Variants in ADGRG6 observed in about 807,000 individuals in gnomAD.
ADGRG6 encodes G-protein coupled receptor 126.
A neutral mutation model predicts 142.4 loss-of-function variants in ADGRG6; 84 were observed. The ratio of observed to expected loss-of-function variants is 0.59; its 90% CI spans 0.49 to 0.71. ADGRG6 has a LOEUF of 0.71. Ranked by LOEUF, ADGRG6 falls within the 30% of genes least tolerant of loss-of-function variation. ADGRG6 has a pLI of 0.00. For synonymous variants in ADGRG6, 521 were observed against 520.5 expected (o/e 1.00, Z -0.01); for missense variants, 1,367 against 1,466.6 (o/e 0.93, Z 1.11).
chr6:142,439,902 T>C (rs1777662944), intron 24 of ADGRG6, among the ~76,000 whole-genome samples: 1 of 152,242 alleles, frequency 6.6e-6, no homozygotes, highest in Non-Finnish European at 1.5e-5. Context: ...ATATTTTTGC[T>C]TATAATGAAT....
At chr6:142,352,794 T>C (rs557235160) in intron 2 of ADGRG6, among the ~76,000 whole-genome samples, 7 of 152,248 alleles carry the variant, frequency 4.6e-5, no homozygotes, top group Admixed American at 1.3e-4. Context: ...GTAATAGTTC[T>C]CCCCTTTTTT....
intron 21 of ADGRG6, among the ~76,000 whole-genome samples, chr6:142,419,325 G>A (rs1342244393): frequency 6.6e-6 from 1 of 152,130 alleles, no homozygotes; most frequent in Non-Finnish European, 1.5e-5. Flanking sequence ...GTTTGAAGCA[G>A]GAAGAAGGAA....
chr6:142,314,969 G>GGAGTGT (rs1554229836), intron 2 of ADGRG6, among the ~76,000 whole-genome samples: 1 of 92,704 alleles, frequency 1.1e-5, no homozygotes, highest in African/African-American at 4.9e-5. Context: ...GTCCAATCAT[G>GGAGTGT]GAGTGTGTGT....
At chr6:142,434,418 G>T (rs968706594) in intron 22 of ADGRG6, among the ~76,000 whole-genome samples, 1 of 151,756 alleles carries the variant, frequency 6.6e-6, no homozygotes, top group East Asian at 1.9e-4. Flanking sequence ...TCCGCCTCCC[G>T]AGTTCAAGCA....
chr6:142,331,544 T>C (rs1779065010), intron 2 of ADGRG6, among the ~76,000 whole-genome samples: 1 of 152,182 alleles, frequency 6.6e-6, no homozygotes, highest in Non-Finnish European at 1.5e-5. Flanking sequence ...AAAAAACTTT[T>C]TAGAAATATT....
chr6:142,320,405 A>G (rs1293166033), intron 2 of ADGRG6, among the ~76,000 whole-genome samples: 1 of 152,100 alleles, frequency 6.6e-6, no homozygotes, highest in Admixed American at 6.6e-5. Context: ...AACTAAACTA[A>G]TAATGGGAGT....
intron 2 of ADGRG6, among the ~76,000 whole-genome samples, chr6:142,323,458 A>G (rs1219956084): frequency 6.6e-6 from 1 of 152,106 alleles, no homozygotes; most frequent in Non-Finnish European, 1.5e-5. Context: ...ATTTTGCTAT[A>G]CAGGACCTGT....
intron 7 of ADGRG6, among the ~76,000 whole-genome samples, chr6:142,392,689 T>G (rs1774957810): frequency 6.6e-6 from 1 of 152,036 alleles, no homozygotes. Flanking sequence ...TTTCTTTATA[T>G]ATAAGACTAT....
Position 142,370,174 on chromosome 6 carries a change from C to G in ADGRG6, c.450C>G (p.Ala150=). The part of the protein sequence containing the change: ...KGFNASYIRV[A]VSLRNQKVIL... ...TCTTGTTATGTTTTGTCCTAGTTGC[C>G]GTGTCCTTAAGGAATCAAAAGGTCA... The change falls in exon 4 of 25, where the codon GCC becomes GCG. Residue 150 remains alanine, a synonymous_variant. Coordinates refer to ENST00000367609, the MANE Select transcript of ADGRG6 (RefSeq NM_198569.3). The G allele has an allele frequency of 6.3e-7, 1 of 1,592,442 alleles. No individual in the cohort carries two copies. Among genetic ancestry groups the G allele is most frequent in the Non-Finnish European group, 8.6e-7 (1 of 1,163,636 alleles).
At chr6:142,333,838 G>T (rs562525442) in intron 2 of ADGRG6, among the ~76,000 whole-genome samples, 6 of 152,204 alleles carry the variant, frequency 3.9e-5, no homozygotes, top group Non-Finnish European at 5.9e-5. Context: ...GAATCACAGA[G>T]AAGTTAATGG....
At chr6:142,430,279 A>G (rs963277043) in intron 22 of ADGRG6, among the ~76,000 whole-genome samples, 1 of 152,156 alleles carries the variant, frequency 6.6e-6, no homozygotes, top group South Asian at 2.1e-4. Flanking sequence ...ATTCTGCTGA[A>G]AGTGTCAGTG....
intron 18 of ADGRG6, 44 bp downstream of exon 18, chr6:142,411,455 T>C (rs768869524): frequency 1.1e-6 from 1 of 925,254 alleles, no homozygotes; most frequent in Non-Finnish European, 1.8e-6. Context: ...GCTGTAACTT[T>C]GGATGGCATA....
intron 4 of ADGRG6, 175 bp downstream of exon 4, chr6:142,370,968 C>A: frequency 1.5e-6 from 1 of 649,856 alleles, no homozygotes; most frequent in East Asian, 2.9e-5. Context: ...ATGTCGTCTG[C>A]TCAGCTCTTA....
intron 18 of ADGRG6, among the ~76,000 whole-genome samples, chr6:142,414,438 C>T (rs750063213): frequency 1.3e-5 from 2 of 152,154 alleles, no homozygotes; most frequent in Non-Finnish European, 2.9e-5. Flanking sequence ...ACATACCAAG[C>T]ATTGAAATAA....
In ADGRG6 at chr6:142,402,748, A is replaced by G. The variant is rs1775587984; in HGVS notation, c.1873A>G (p.Ile625Val). 1.9e-6 allele frequency: 3 copies of G among 1,600,070 alleles called. No homozygotes were observed. The highest frequency in any genetic ancestry group is 3.3e-5 in the Admixed American group (2 of 59,934). Residue 625 changes from isoleucine (I) to valine (V), a missense_variant, in exon 13 of 25, where the codon ATA (isoleucine) becomes GTA (valine). By Grantham distance (29) the Ile-to-Val change is conservative. This residue lies in a region of ADGRG6 where 737 missense variants were observed against 746.5 expected (regional missense o/e 0.99). Transcript: ENST00000367609. ...RIVNKEENID[I>V]TLGSTLMNIF... ...TGTGAATAAAGAAGAAAACATTGAT[A>G]TAACACTTGGCTCAACTCTAATGAA...
At chr6:142,318,309 T>TTA (rs1166361698) in intron 2 of ADGRG6, among the ~76,000 whole-genome samples, 7 of 88,234 alleles carry the variant, frequency 7.9e-5, no homozygotes, top group South Asian at 2.7e-4. Context: ...TATATTTATA[T>TTA]TATATATTTA....
chr6:142,346,548 T>A (rs1779911039), intron 2 of ADGRG6, among the ~76,000 whole-genome samples: 1 of 152,000 alleles, frequency 6.6e-6, no homozygotes, highest in South Asian at 2.1e-4. Context: ...GGATTATAAA[T>A]CATTCTACTC....
intron 2 of ADGRG6, among the ~76,000 whole-genome samples, chr6:142,340,127 T>A (rs1779541909): frequency 6.6e-6 from 1 of 152,124 alleles, no homozygotes; most frequent in Admixed American, 6.5e-5. Flanking sequence ...GCTCTTTCTC[T>A]TGAGAGTAAT....
Position 142,370,795 on chromosome 6 carries a change from TG to T in ADGRG6, c.1069+3del. 1.2e-6 allele frequency: 2 copies of T among 1,612,438 alleles called. No homozygotes were observed. Among genetic ancestry groups the T allele is most frequent in the Non-Finnish European group, 1.7e-6 (2 of 1,179,116 alleles). On this transcript the variant is annotated splice_donor_region_variant and intron_variant, in intron 4 of 24. Transcript: ENST00000367609. ...AAGCTGAAAGCAACCTAAGCTGTGG[TG>T]AGTTTGTAGCGTATTCCTTTTTTTT...
Sources: gnomAD v4.1 joint callset for allele counts (sites outside exome capture counted in the v4.1 genomes callset) on GRCh38, gnomAD v4.1.1 for gene constraint, gnomAD v4.1.1 regional missense constraint, MANE v1.5 for transcripts, NCBI Gene and HGNC (gene_info 2026-07-23, HGNC 2026-07-21) for gene names.